MGMT: variants seen among roughly 807,000 people sequenced by gnomAD.
MGMT encodes the protein O-6-methylguanine-DNA methyltransferase.
Under a neutral mutation model 15.9 loss-of-function variants are expected in MGMT, and 14 were observed. The ratio of observed to expected loss-of-function variants is 0.88; its 90% CI spans 0.58 to 1.37. The LOEUF is 1.37. Among genes scored for constraint, MGMT ranks in the 40% most tolerant of loss-of-function variants. The pLI is 0.00. For missense variants in MGMT, 282 were observed against 268.1 expected (o/e 1.05, Z -0.36); for synonymous variants, 130 against 118.2 (o/e 1.10, Z -0.65).
At position 129,764,422 on chromosome 10, in the gene MGMT, T is replaced by C. The variant is rs111785384; in HGVS notation, c.415-2366T>C. Among the ~76,000 whole-genome samples, 412 of 152,312 alleles carry C rather than the reference T, an allele frequency of 2.7e-3. 1 individual carries two copies. The highest frequency in any genetic ancestry group is 9.4e-3 in the African/African-American group (392 of 41,574). ...CCAGGTGAAATCTGTGGCAGGTACA[T>C]GTGTGGCAGTGACACAAGCTGCCTG... On this transcript the variant is annotated intron_variant, in intron 4 of 4. Coordinates refer to ENST00000651593, the MANE Select transcript of MGMT (RefSeq NM_002412.5).
chr10:129,723,027 A>G (rs1486616688), intron 3 of MGMT, among the ~76,000 whole-genome samples: 4 of 151,322 alleles, frequency 2.6e-5, no homozygotes, highest in Non-Finnish European at 5.9e-5. Flanking sequence ...AAAAAAAAAA[A>G]AAAAGTCTTG....
chr10:129,729,300 A>T (rs867726908), intron 3 of MGMT, among the ~76,000 whole-genome samples: 31 of 152,212 alleles, frequency 2.0e-4, no homozygotes, highest in African/African-American at 7.0e-4. Flanking sequence ...GCACCTTTGC[A>T]CCCCAGTCCC....
At chr10:129,746,653 CTTCTA>C (rs1262625492) in intron 3 of MGMT, among the ~76,000 whole-genome samples, 3 of 152,126 alleles carry the variant, frequency 2.0e-5, no homozygotes, top group African/African-American at 7.2e-5. Context: ...GGAAATCTCT[CTTCTA>C]TTCTGTTAAC....
intron 2 of MGMT, among the ~76,000 whole-genome samples, chr10:129,703,693 C>T (rs375011262): frequency 6.6e-6 from 1 of 152,096 alleles, no homozygotes; most frequent in Non-Finnish European, 1.5e-5. Flanking sequence ...ACCTTTGCTT[C>T]GGAGCCCAAA....
At position 129,757,730 on chromosome 10, in the gene MGMT, G is replaced by A. The variant is rs1020829868; in HGVS notation, c.275-1472G>A. 2.0e-5 allele frequency among the ~76,000 whole-genome samples: 3 copies of A among 152,140 alleles called. No homozygotes were observed. The East Asian group carries it at 5.8e-4, about 29-fold the overall frequency. Reference sequence around the variant, plus strand: ...TTCTGAAGAAATGACAGTAAACAGTGCATTTGCCCAGGGAAATCCACCACC... The same window carrying A: ...TTCTGAAGAAATGACAGTAAACAGTACATTTGCCCAGGGAAATCCACCACC... On this transcript the variant is annotated intron_variant, in intron 3 of 4. Transcript: ENST00000651593.
At chr10:129,506,006 ATTT>A (rs71478939) in intron 1 of MGMT, among the ~76,000 whole-genome samples, 38 of 132,526 alleles carry the variant, frequency 2.9e-4, no homozygotes, top group African/African-American at 1.0e-3. Flanking sequence ...TGCAGTTGCT[ATTT>A]TTTTTTTTTT....
chr10:129,474,451 TATTGAG>T (rs1845267235), intron 1 of MGMT, among the ~76,000 whole-genome samples: 1 of 152,104 alleles, frequency 6.6e-6, no homozygotes, highest in African/African-American at 2.4e-5. Context: ...TCGCTTTTCT[TATTGAG>T]AGAGACGAAA....
chr10:129,506,430 T>C (rs1845626234), intron 1 of MGMT, among the ~76,000 whole-genome samples: 1 of 152,136 alleles, frequency 6.6e-6, no homozygotes, highest in East Asian at 1.9e-4. Context: ...AAAAGAGTTT[T>C]CCATTTCTGT....
intron 3 of MGMT, among the ~76,000 whole-genome samples, chr10:129,741,769 C>T (rs1482354185): frequency 2.0e-5 from 3 of 152,146 alleles, no homozygotes; most frequent in African/African-American, 4.8e-5. Context: ...GGCCCTGAGT[C>T]GGTTGAGACT....
chr10:129,603,083 A>G (rs1179516842), intron 2 of MGMT, among the ~76,000 whole-genome samples: 2 of 152,218 alleles, frequency 1.3e-5, no homozygotes, highest in African/African-American at 2.4e-5. Context: ...AAACTCATAT[A>G]AACAAGTAAT....
chr10:129,761,825 G>C (rs1310242214), intron 4 of MGMT, among the ~76,000 whole-genome samples: 1 of 152,206 alleles, frequency 6.6e-6, no homozygotes, highest in Non-Finnish European at 1.5e-5. Context: ...TGGCCTTTCT[G>C]TGGGCTCCAC....
chr10:129,524,240 C>T (rs1366912070), intron 1 of MGMT, among the ~76,000 whole-genome samples: 2 of 152,212 alleles, frequency 1.3e-5, no homozygotes, highest in African/African-American at 4.8e-5. Flanking sequence ...GCATCTCTGG[C>T]GTGCTCAGGC....
intron 2 of MGMT, among the ~76,000 whole-genome samples, chr10:129,538,955 T>C (rs1846014834): frequency 6.6e-6 from 1 of 152,206 alleles, no homozygotes; most frequent in Non-Finnish European, 1.5e-5. Context: ...ATTTTAAAAT[T>C]AGAGGTTTCT....
Position 129,561,358 on chromosome 10 carries a change from C to A in MGMT, c.125+24981C>A, listed in dbSNP as rs2119809898. ...GGCGAGCGAGGAGGTCGGGAAGGAG[C>A]CTCCACACCCCAGCAGGGCCCATTC... On this transcript the variant is annotated intron_variant, in intron 2 of 4. Coordinates refer to ENST00000651593, the MANE Select transcript of MGMT (RefSeq NM_002412.5). Among the ~76,000 whole-genome samples, 5 of 152,174 alleles carry A rather than the reference C, an allele frequency of 3.3e-5. No homozygotes were observed. The Middle Eastern group carries it at 0.017, about 518-fold the overall frequency.
At chr10:129,613,174 T>G (rs573831613) in intron 2 of MGMT, among the ~76,000 whole-genome samples, 11 of 152,286 alleles carry the variant, frequency 7.2e-5, no homozygotes, top group Non-Finnish European at 1.5e-4. Flanking sequence ...CAAGTACAAG[T>G]AGAATCTTCT....
At chr10:129,695,467 G>T (rs1232424504) in intron 2 of MGMT, among the ~76,000 whole-genome samples, 1 of 152,218 alleles carries the variant, frequency 6.6e-6, no homozygotes, top group Non-Finnish European at 1.5e-5. Flanking sequence ...CCCCGTGGAG[G>T]TCAATCCTCA....
At chr10:129,567,983 C>T (rs943957520) in intron 2 of MGMT, among the ~76,000 whole-genome samples, 1 of 152,130 alleles carries the variant, frequency 6.6e-6, no homozygotes, top group African/African-American at 2.4e-5. Flanking sequence ...TGCTACTGTT[C>T]CCATCGTAGC....
intron 2 of MGMT, among the ~76,000 whole-genome samples, chr10:129,586,036 C>T (rs946018300): frequency 1.3e-5 from 2 of 152,128 alleles, no homozygotes; most frequent in Non-Finnish European, 2.9e-5. Context: ...AGTGGGGATG[C>T]ACCGGACAGA....
intron 2 of MGMT, among the ~76,000 whole-genome samples, chr10:129,660,392 C>T (rs963361350): frequency 6.6e-6 from 1 of 152,060 alleles, no homozygotes; most frequent in Non-Finnish European, 1.5e-5. Flanking sequence ...GGGGGAGCAC[C>T]TTGGGGAAGA....
Sources: gnomAD v4.1 joint callset for allele counts (sites outside exome capture counted in the v4.1 genomes callset) on GRCh38, gnomAD v4.1.1 for gene constraint, MANE v1.5 for transcripts, NCBI Gene and HGNC (gene_info 2026-07-23, HGNC 2026-07-21) for gene names.